Variants in ZBTB16 observed in about 807,000 individuals in gnomAD.
The protein encoded by ZBTB16 is zinc finger and BTB domain-containing protein 16.
Under a neutral mutation model 56.8 loss-of-function variants are expected in ZBTB16, and 8 were observed. The ratio of observed to expected loss-of-function variants is 0.14; its 90% CI spans 0.08 to 0.25. The LOEUF (loss-of-function observed/expected upper bound fraction) is 0.25. ZBTB16 is among the 10% of genes least tolerant of loss of function. The probability of loss-of-function intolerance (pLI) is 1.00; values close to 1 mark genes in which losing one functional copy is unlikely to be tolerated. For missense variants in ZBTB16, 625 were observed against 903.0 expected (o/e 0.69, Z 3.95); for synonymous variants, 363 against 368.5 (o/e 0.98, Z 0.17).
intron 3 of ZBTB16, among the ~76,000 whole-genome samples, chr11:114,160,527 GC>G (rs1214634687): frequency 6.6e-6 from 1 of 152,122 alleles, no homozygotes; most frequent in African/African-American, 2.4e-5. Flanking sequence ...AATTTACACT[GC>G]TAAATCAGTT....
intron 2 of ZBTB16, among the ~76,000 whole-genome samples, chr11:114,127,893 CAT>C (rs950238649): frequency 2.0e-5 from 3 of 152,298 alleles, no homozygotes; most frequent in South Asian, 2.1e-4. Context: ...AAGCTCAGCA[CAT>C]GTCTTGGGAT....
In ZBTB16 at chr11:114,256,654, G is replaced by T. The variant is rs1945021926; in HGVS notation, c.*6099G>T. On this transcript the variant is annotated 3_prime_UTR_variant, in exon 7 of 7. Transcript: ENST00000335953. ...CTGCCTGCGTCTGTAGCAGCCAAGAGCTGTTAAGAAAGGAGATTGGAGCAG... is the reference window on the plus strand; with the variant it reads ...CTGCCTGCGTCTGTAGCAGCCAAGATCTGTTAAGAAAGGAGATTGGAGCAG... 6.6e-6 allele frequency among the ~76,000 whole-genome samples: 1 copy of T among 152,214 alleles called. No individual in the cohort carries two copies. The highest frequency in any genetic ancestry group is 2.4e-5 in the African/African-American group (1 of 41,444).
chr11:114,235,648 T>C (rs1376117792), intron 4 of ZBTB16, among the ~76,000 whole-genome samples: 1 of 22,236 alleles, frequency 4.5e-5, no homozygotes, highest in Non-Finnish European at 1.3e-4. Flanking sequence ...CTTTCTTTCT[T>C]TCTTTCTTTC....
At chr11:114,073,864 G>A (rs1013021446) in intron 2 of ZBTB16, among the ~76,000 whole-genome samples, 12 of 152,104 alleles carry the variant, frequency 7.9e-5, no homozygotes, top group South Asian at 2.1e-4. Context: ...ACATATACAC[G>A]CACATAAACC....
At chr11:114,119,351 CGTGT>C (rs368627274) in intron 2 of ZBTB16, among the ~76,000 whole-genome samples, 1 of 141,806 alleles carries the variant, frequency 7.1e-6, no homozygotes, top group African/African-American at 2.6e-5. Flanking sequence ...TGTGTGCGCG[CGTGT>C]GTGTGTGTGT....
chr11:114,244,879 G>A (rs992670871), intron 5 of ZBTB16, among the ~76,000 whole-genome samples: 2 of 149,870 alleles, frequency 1.3e-5, no homozygotes, highest in South Asian at 4.6e-4. Context: ...ACCCCCACCC[G>A]GCTGGGTGGC....
At position 114,065,539 on chromosome 11, in the gene ZBTB16, C is replaced by A. The variant is rs555647046; in HGVS notation, c.1268+971C>A. On this transcript the variant is annotated intron_variant, in intron 2 of 6. Transcript: ENST00000335953. ...TAAGGTGATTCTCCTGCCTCAGCCT[C>A]CCGAGTAGCTCGGATTACAGGCACG... Among the ~76,000 whole-genome samples, 17 of 152,300 alleles carry A rather than the reference C, an allele frequency of 1.1e-4. No homozygotes were observed. In the East Asian group the frequency reaches 3.3e-3, roughly 29 times the overall value.
At chr11:114,234,830 C>G (rs1434929524) in intron 4 of ZBTB16, among the ~76,000 whole-genome samples, 2 of 152,216 alleles carry the variant, frequency 1.3e-5, no homozygotes, top group East Asian at 1.9e-4. Flanking sequence ...CTCTCTTTCT[C>G]TCTTGCCGAG....
chr11:114,212,166 A>G (rs1214556111), intron 4 of ZBTB16, among the ~76,000 whole-genome samples: 1 of 152,034 alleles, frequency 6.6e-6, no homozygotes, highest in African/African-American at 2.4e-5. Context: ...GGGAGTGTCA[A>G]TGAAATTTTT....
chr11:114,126,637 G>A (rs773970564), intron 2 of ZBTB16, among the ~76,000 whole-genome samples: 10 of 152,216 alleles, frequency 6.6e-5, no homozygotes, highest in Non-Finnish European at 1.2e-4. Flanking sequence ...CTGGTGAGGT[G>A]AGAGGTTGAA....
intron 2 of ZBTB16, among the ~76,000 whole-genome samples, chr11:114,152,294 C>T (rs12293744): frequency 0.21 from 32,536 of 152,134 alleles, 5,575 homozygotes; most frequent in African/African-American, 0.48. Context: ...AGTTTGCAGA[C>T]TCACAATAGC....
Position 114,094,396 on chromosome 11 carries a change from A to G in ZBTB16, c.1268+29828A>G, listed in dbSNP as rs563353430. On this transcript the variant is annotated intron_variant, in intron 2 of 6. Transcript: ENST00000335953. ...CAAACGAGTCCGTGTAAAGTCTAAGATGTTGGTTCATCTCAACATTGGGAT... is the reference window on the plus strand; with the variant it reads ...CAAACGAGTCCGTGTAAAGTCTAAGGTGTTGGTTCATCTCAACATTGGGAT... 6.6e-5 allele frequency among the ~76,000 whole-genome samples: 10 copies of G among 152,338 alleles called. No individual in the cohort carries two copies. In the South Asian group the frequency reaches 1.9e-3, roughly 28 times the overall value.
intron 4 of ZBTB16, among the ~76,000 whole-genome samples, chr11:114,190,212 A>T (rs1943459084): frequency 6.6e-6 from 1 of 152,210 alleles, no homozygotes; most frequent in Non-Finnish European, 1.5e-5. Context: ...TCATGGAGTG[A>T]TGAAAATGTT....
intron 2 of ZBTB16, among the ~76,000 whole-genome samples, chr11:114,124,237 T>G (rs980303777): frequency 6.6e-6 from 1 of 152,114 alleles, no homozygotes; most frequent in African/African-American, 2.4e-5. Flanking sequence ...GCCTTCTTTA[T>G]TTTTTAATAC....
chr11:114,092,494 T>C (rs950331059), intron 2 of ZBTB16, among the ~76,000 whole-genome samples: 1 of 152,178 alleles, frequency 6.6e-6, no homozygotes, highest in African/African-American at 2.4e-5. Flanking sequence ...TCACATCCAT[T>C]GTGGTTGAGG....
intron 2 of ZBTB16, among the ~76,000 whole-genome samples, chr11:114,134,142 C>T (rs1213867867): frequency 6.6e-6 from 1 of 152,192 alleles, no homozygotes; most frequent in Non-Finnish European, 1.5e-5. Context: ...GTGGGCTCCA[C>T]ACTTAATTTA....
rs531108550 is a variant in ZBTB16, at chr11:114,095,427, A to T, written c.1268+30859A>T. The stretch of plus-strand genomic sequence containing the variant: ...AGGCGCCCGCCACCACGCCCAGCTA[A>T]TTTTTTGTATATTTAGTAGAGACGG... On this transcript the variant is annotated intron_variant, in intron 2 of 6. Transcript: ENST00000335953. Among the ~76,000 whole-genome samples, 4 of 151,290 alleles carry T rather than the reference A, an allele frequency of 2.6e-5. No homozygotes were observed. In the East Asian group the frequency reaches 5.9e-4, roughly 22 times the overall value.
intron 4 of ZBTB16, among the ~76,000 whole-genome samples, chr11:114,199,457 CA>C (rs1382010317): frequency 6.6e-6 from 1 of 152,272 alleles, no homozygotes; most frequent in African/African-American, 2.4e-5. Context: ...TGCCGCTGGG[CA>C]GTGGGCAGGA....
intron 4 of ZBTB16, among the ~76,000 whole-genome samples, chr11:114,200,985 C>G (rs141363604): frequency 7.2e-5 from 11 of 152,258 alleles, no homozygotes; most frequent in African/African-American, 2.4e-4. Flanking sequence ...CTATTTTATT[C>G]AGAGTTTACA....
Sources: allele counts gnomAD v4.1 joint callset (sites outside exome capture counted in the v4.1 genomes callset), GRCh38; gene constraint gnomAD v4.1.1; transcripts MANE v1.5; gene names NCBI Gene and HGNC (gene_info 2026-07-23, HGNC 2026-07-21).